Variants in SEMA3C observed in about 807,000 individuals in gnomAD.
SEMA3C encodes the protein semaphorin 3C.
Under a neutral mutation model 89.4 loss-of-function variants are expected in SEMA3C, and 47 were observed. That is an observed-to-expected ratio of 0.53 (90% confidence interval 0.42 to 0.67). The LOEUF (loss-of-function observed/expected upper bound fraction) is 0.67, where lower values mean the gene tolerates loss of function less well. Ranked by LOEUF, SEMA3C falls within the 30% of genes least tolerant of loss-of-function variation. The pLI, the probability that SEMA3C is intolerant of heterozygous loss-of-function variation, is 0.00. For synonymous variants in SEMA3C, 310 were observed against 320.2 expected (o/e 0.97, Z 0.34); for missense variants, 839 against 929.1 (o/e 0.90, Z 1.26).
intron 12 of SEMA3C, among the ~76,000 whole-genome samples, chr7:80,768,979 C>T (rs1391265309): frequency 6.6e-6 from 1 of 152,150 alleles, no homozygotes; most frequent in African/African-American, 2.4e-5. Context: ...TTTATGGTTC[C>T]CTGCTGCAGT....
At chr7:80,804,676 T>C (rs1368015197) in intron 7 of SEMA3C, among the ~76,000 whole-genome samples, 2 of 152,042 alleles carry the variant, frequency 1.3e-5, no homozygotes, top group Admixed American at 6.5e-5. Context: ...ACATACGAAA[T>C]GAAGGGGAAA....
At chr7:80,905,996 G>T (rs1583998395) in intron 2 of SEMA3C, 1 of 798,866 alleles carries the variant, frequency 1.3e-6, no homozygotes, top group East Asian at 6.3e-5. Context: ...TTGTAAGGAA[G>T]CTGGGTGAGT....
At chr7:80,821,129 A>G (rs1789736852) in intron 4 of SEMA3C, among the ~76,000 whole-genome samples, 2 of 152,208 alleles carry the variant, frequency 1.3e-5, no homozygotes, top group South Asian at 2.1e-4. Context: ...ATCATATTGT[A>G]TATTTTACCT....
chr7:80,797,536 T>C (rs962332995), intron 11 of SEMA3C, among the ~76,000 whole-genome samples: 4 of 152,224 alleles, frequency 2.6e-5, no homozygotes, highest in African/African-American at 9.6e-5. Context: ...GTTACAAATA[T>C]TTTATTTTAA....
intron 12 of SEMA3C, among the ~76,000 whole-genome samples, chr7:80,767,286 T>C (rs1175998516): frequency 6.6e-6 from 1 of 152,210 alleles, no homozygotes; most frequent in Non-Finnish European, 1.5e-5. Context: ...TCTCAAAATG[T>C]AGAGGAAATT....
chr7:80,755,051 C>T (rs1167599671), intron 15 of SEMA3C, among the ~76,000 whole-genome samples: 8 of 149,666 alleles, frequency 5.3e-5, no homozygotes, highest in African/African-American at 1.5e-4. Flanking sequence ...CTGCCTGCTT[C>T]GGCCTCCCAA....
chr7:80,789,530 TAGAAAG>T lies in SEMA3C; in HGVS notation c.1132-8_1132-3del, dbSNP rs759085539. On this transcript the variant is annotated splice_region_variant and splice_polypyrimidine_tract_variant and intron_variant, in intron 11 of 17. Transcript: ENST00000265361. ...GGGTGTAAATGCTCCTCCTGGACAC[TAGAAAG>T]AAAGTTTTAAAGAACCAAGTTAATA... 1.9e-6 allele frequency: 3 copies of T among 1,579,610 alleles called. No individual in the cohort carries two copies. The highest frequency in any genetic ancestry group is 2.6e-6 in the Non-Finnish European group (3 of 1,163,528).
chr7:80,794,400 T>C (rs908027253), intron 11 of SEMA3C, among the ~76,000 whole-genome samples: 2 of 152,188 alleles, frequency 1.3e-5, no homozygotes, highest in Non-Finnish European at 2.9e-5. Context: ...ATTTTTCATG[T>C]CTATGTCTTA....
Position 80,815,554 on chromosome 7 carries a change from C to CAAAAAAAAAAAAAAAAAAAAAAAAAA in SEMA3C, c.447+2744_447+2745insTTTTTTTTTTTTTTTTTTTTTTTTTT, listed in dbSNP as rs761990267. 8.0e-4 allele frequency among the ~76,000 whole-genome samples: 47 copies of CAAAAAAAAAAAAAAAAAAAAAAAAAA among 58,838 alleles called. 2 individuals are homozygous for CAAAAAAAAAAAAAAAAAAAAAAAAAA. The highest frequency in any genetic ancestry group is 4.4e-3 in the East Asian group (6 of 1,360). 38.6% of individuals were successfully genotyped at this position (58,838 alleles called of 152,430 possible). ...AAACCCAATCCTTTCTTTAAATGGG[C>CAAAAAAAAAAAAAAAAAAAAAAAAAA]AAAAAAAAAAAAAAAAAAAGTAAAT... On this transcript the variant is annotated intron_variant, in intron 5 of 17. Transcript: ENST00000265361.
intron 2 of SEMA3C, among the ~76,000 whole-genome samples, chr7:80,831,325 T>C (rs1362782339): frequency 1.3e-5 from 2 of 152,176 alleles, no homozygotes; most frequent in African/African-American, 2.4e-5. Flanking sequence ...AATAATAGCA[T>C]CTACCTCATT....
intron 15 of SEMA3C, among the ~76,000 whole-genome samples, chr7:80,755,566 T>C (rs908360424): frequency 2.0e-5 from 3 of 147,128 alleles, no homozygotes; most frequent in African/African-American, 7.3e-5. Context: ...ATAGTCCCTA[T>C]ATCCCTTTCT....
At chr7:80,812,993 A>T (rs1212006478) in intron 5 of SEMA3C, among the ~76,000 whole-genome samples, 1 of 133,422 alleles carries the variant, frequency 7.5e-6, no homozygotes, top group African/African-American at 2.8e-5. Context: ...TTTAATAGAG[A>T]CGGGGCTTTC....
chr7:80,834,338 G>A (rs1361930730), intron 2 of SEMA3C, among the ~76,000 whole-genome samples: 1 of 152,090 alleles, frequency 6.6e-6, no homozygotes, highest in Admixed American at 6.5e-5. Flanking sequence ...TAAAATTCAT[G>A]TATCTACATG....
chr7:80,834,015 A>T (rs1790070447), intron 2 of SEMA3C, among the ~76,000 whole-genome samples: 1 of 152,168 alleles, frequency 6.6e-6, no homozygotes, highest in South Asian at 2.1e-4. Context: ...CATTCCTTTA[A>T]CCTCACAATG....
intron 6 of SEMA3C, among the ~76,000 whole-genome samples, chr7:80,809,373 T>A (rs1789413723): frequency 6.6e-6 from 1 of 152,154 alleles, no homozygotes; most frequent in Non-Finnish European, 1.5e-5. Flanking sequence ...TTCTAAAAGA[T>A]TACTAAAACA....
intron 4 of SEMA3C, 36 bp from the exon 5 acceptor site, chr7:80,818,454 A>C: frequency 6.3e-7 from 1 of 1,597,014 alleles, no homozygotes; most frequent in East Asian, 2.3e-5. Flanking sequence ...TAGTAACTCA[A>C]TGACTTTCAT....
intron 14 of SEMA3C, among the ~76,000 whole-genome samples, chr7:80,759,653 T>A (rs1400926440): frequency 6.6e-6 from 1 of 152,236 alleles, no homozygotes; most frequent in East Asian, 1.9e-4. Flanking sequence ...TACAGTAAAA[T>A]ACCAGTTAAA....
intron 2 of SEMA3C, among the ~76,000 whole-genome samples, chr7:80,857,573 T>C (rs1562908479): frequency 6.6e-6 from 1 of 152,102 alleles, no homozygotes; most frequent in Non-Finnish European, 1.5e-5. Context: ...AGCCATAAAG[T>C]GCTACAAAGG....
chr7:80,865,654 G>A (rs184005433), intron 2 of SEMA3C, among the ~76,000 whole-genome samples: 2 of 152,224 alleles, frequency 1.3e-5, no homozygotes, highest in East Asian at 3.9e-4. Context: ...AATTAGCCGG[G>A]TGTGGTAGTG....
Sources: gnomAD v4.1 joint callset for allele counts (sites outside exome capture counted in the v4.1 genomes callset) on GRCh38, gnomAD v4.1.1 for gene constraint, MANE v1.5 for transcripts, NCBI Gene and HGNC (gene_info 2026-07-23, HGNC 2026-07-21) for gene names.